Variants in LRRTM4 observed in about 807,000 individuals in gnomAD.
LRRTM4 encodes the protein leucine rich repeat transmembrane neuronal 4.
In LRRTM4, 25 loss-of-function variants were observed where a neutral mutation model predicts 47.6. That is an observed-to-expected ratio of 0.53 (90% CI 0.38 to 0.73). The LOEUF is 0.73. Among genes scored for constraint, LRRTM4 ranks in the 30% least tolerant of loss-of-function variants. The pLI is 0.00. For missense variants in LRRTM4, 638 were observed against 713.4 expected, an observed-to-expected ratio of 0.89 and a Z score of 1.20; for synonymous variants, 311 against 269.5, an observed-to-expected ratio of 1.15 and a Z score of -1.51.
intron 3 of LRRTM4, among the ~76,000 whole-genome samples, chr2:76,975,061 AAAAC>A (rs972484366): frequency 3.3e-5 from 5 of 151,924 alleles, no homozygotes; most frequent in South Asian, 2.1e-4. Context: ...GTGGTTAACA[AAAAC>A]AAACAAACCA....
At chr2:77,092,984 C>T (rs1342474573) in intron 3 of LRRTM4, among the ~76,000 whole-genome samples, 4 of 148,088 alleles carry the variant, frequency 2.7e-5, no homozygotes, top group African/African-American at 7.9e-5. Context: ...TCAGGCCTGT[C>T]CTCAGAATGC....
At chr2:77,034,942 G>T (rs1247279811) in intron 3 of LRRTM4, among the ~76,000 whole-genome samples, 2 of 151,738 alleles carry the variant, frequency 1.3e-5, no homozygotes, top group Admixed American at 6.6e-5. Context: ...CAGGATAAAG[G>T]CAAGATATTT....
chr2:77,117,089 A>G (rs184553581), intron 3 of LRRTM4, among the ~76,000 whole-genome samples: 159 of 152,178 alleles, frequency 1.0e-3, no homozygotes, highest in African/African-American at 3.6e-3. Flanking sequence ...ACTGAGCATG[A>G]TAGTTATGAA....
intron 3 of LRRTM4, among the ~76,000 whole-genome samples, chr2:77,031,820 AGT>A (rs1240244310): frequency 6.6e-6 from 1 of 152,138 alleles, no homozygotes; most frequent in Non-Finnish European, 1.5e-5. Context: ...ACTTATAAGA[AGT>A]AAATTTAGAG....
intron 3 of LRRTM4, among the ~76,000 whole-genome samples, chr2:77,141,897 T>C (rs1356500039): frequency 1.3e-5 from 2 of 152,140 alleles, no homozygotes; most frequent in Admixed American, 6.5e-5. Context: ...AAGTAGATAA[T>C]AGAGAGACAA....
intron 3 of LRRTM4, among the ~76,000 whole-genome samples, chr2:76,928,200 T>C (rs1674651725): frequency 6.6e-6 from 1 of 152,214 alleles, no homozygotes. Context: ...GAATCACATC[T>C]CATATCTGAT....
At chr2:77,146,686 A>T (rs1186645696) in intron 3 of LRRTM4, among the ~76,000 whole-genome samples, 1 of 152,186 alleles carries the variant, frequency 6.6e-6, no homozygotes, top group Non-Finnish European at 1.5e-5. Context: ...AAAATTAAAC[A>T]TATGTTTCAC....
At chr2:76,993,000 T>G (rs1171530052) in intron 3 of LRRTM4, among the ~76,000 whole-genome samples, 1 of 151,622 alleles carries the variant, frequency 6.6e-6, no homozygotes, top group Non-Finnish European at 1.5e-5. Context: ...TTTGATGAAT[T>G]CAACCGAAAT....
chr2:77,197,544 C>T (rs1673863458), intron 3 of LRRTM4, among the ~76,000 whole-genome samples: 1 of 152,066 alleles, frequency 6.6e-6, no homozygotes, highest in African/African-American at 2.4e-5. Context: ...ATATAACTAA[C>T]ATAATAAGTT....
intron 3 of LRRTM4, among the ~76,000 whole-genome samples, chr2:77,385,977 G>A (rs420117): frequency 0.34 from 51,535 of 151,266 alleles, 9,370 homozygotes; most frequent in East Asian, 0.6. Flanking sequence ...GGCTGATCTC[G>A]AAATCCTGAC....
intron 3 of LRRTM4, among the ~76,000 whole-genome samples, chr2:77,185,965 C>T (rs916908016): frequency 6.6e-6 from 1 of 152,074 alleles, no homozygotes; most frequent in African/African-American, 2.4e-5. Context: ...CCCTTTGGTA[C>T]AGTGTTCAGC....
chr2:77,071,783 CAAG>C (rs1405990480), intron 3 of LRRTM4, among the ~76,000 whole-genome samples: 3 of 152,066 alleles, frequency 2.0e-5, no homozygotes, highest in Non-Finnish European at 4.4e-5. Context: ...TAGCAAAATT[CAAG>C]AATATACAGT....
intron 3 of LRRTM4, among the ~76,000 whole-genome samples, chr2:76,909,596 T>A (rs541834225): frequency 6.6e-6 from 1 of 151,774 alleles, no homozygotes; most frequent in African/African-American, 2.4e-5. Context: ...ACCTACTCAT[T>A]TGACAAAGGG....
At chr2:77,220,248 G>C (rs1053559990) in intron 3 of LRRTM4, among the ~76,000 whole-genome samples, 10 of 152,120 alleles carry the variant, frequency 6.6e-5, no homozygotes, top group African/African-American at 2.4e-4. Context: ...AAACCACAAA[G>C]ATGGGGAAAA....
chr2:77,021,491 A>C (rs1367479643), intron 3 of LRRTM4, among the ~76,000 whole-genome samples: 1 of 152,190 alleles, frequency 6.6e-6, no homozygotes, highest in Non-Finnish European at 1.5e-5. Flanking sequence ...AAGGGACACC[A>C]ATACACATGA....
At chr2:77,308,729 C>T (rs1231333505) in intron 3 of LRRTM4, among the ~76,000 whole-genome samples, 4 of 151,936 alleles carry the variant, frequency 2.6e-5, no homozygotes, top group Admixed American at 6.6e-5. Flanking sequence ...AAAAGACCTA[C>T]TGTCTCTTAG....
At chr2:77,421,567 C>A (rs540464670) in intron 3 of LRRTM4, among the ~76,000 whole-genome samples, 1 of 152,058 alleles carries the variant, frequency 6.6e-6, no homozygotes, top group Non-Finnish European at 1.5e-5. Flanking sequence ...ATTAGCCGGG[C>A]GTGTTGGCGG....
At chr2:77,264,764 T>C (rs1173997272) in intron 3 of LRRTM4, among the ~76,000 whole-genome samples, 1 of 152,088 alleles carries the variant, frequency 6.6e-6, no homozygotes, top group Non-Finnish European at 1.5e-5. Context: ...GCCCCTTATA[T>C]AAACACACAA....
At chr2:76,934,989 G>A (rs1287168908) in intron 3 of LRRTM4, among the ~76,000 whole-genome samples, 1 of 151,184 alleles carries the variant, frequency 6.6e-6, no homozygotes, top group Non-Finnish European at 1.5e-5. Context: ...AGATGACTTA[G>A]ATAGGAATTT....
Sources: gnomAD v4.1 joint callset for allele counts (sites outside exome capture counted in the v4.1 genomes callset) on GRCh38, gnomAD v4.1.1 for gene constraint, MANE v1.5 for transcripts, NCBI Gene and HGNC (gene_info 2026-07-23, HGNC 2026-07-21) for gene names.